HGSNAT: variants seen among roughly 807,000 people sequenced by gnomAD.
HGSNAT encodes heparan-alpha-glucosaminide N-acetyltransferase.
A neutral mutation model predicts 85.2 loss-of-function variants in HGSNAT; 59 were observed. The observed-to-expected ratio is 0.69, with a 90% confidence interval of 0.56 to 0.86. The LOEUF (loss-of-function observed/expected upper bound fraction) is 0.86, where lower values mean the gene tolerates loss of function less well. Among genes scored for constraint, HGSNAT ranks in the 40% least tolerant of loss-of-function variants. HGSNAT has a pLI of 0.00. For missense variants in HGSNAT, 756 were observed against 777.1 expected (o/e 0.97, Z 0.32); for synonymous variants, 321 against 304.5 (o/e 1.05, Z -0.56).
intron 5 of HGSNAT, among the ~76,000 whole-genome samples, chr8:43,164,797 A>G (rs973260246): frequency 6.6e-6 from 1 of 152,152 alleles, no homozygotes; most frequent in Admixed American, 6.5e-5. Context: ...ATAAAAAATA[A>G]AGTGAGAGAC....
At chr8:43,141,713 GA>G (rs1198860842) in intron 1 of HGSNAT, among the ~76,000 whole-genome samples, 3 of 152,008 alleles carry the variant, frequency 2.0e-5, no homozygotes, top group Non-Finnish European at 4.4e-5. Flanking sequence ...GTGAATTTTG[GA>G]AAAGCGGCTC....
At position 43,199,702 on chromosome 8, in the gene HGSNAT, T is replaced by A; in HGVS notation, c.*133T>A. Reference sequence around the variant, plus strand: ...GTTTACAGACTCTGGGGGAAGACACTGATGTCCTCAAACTGGTTAACTGTG... The same window carrying A: ...GTTTACAGACTCTGGGGGAAGACACAGATGTCCTCAAACTGGTTAACTGTG... On this transcript the variant is annotated 3_prime_UTR_variant, in exon 18 of 18. Coordinates refer to ENST00000379644, the MANE Select transcript of HGSNAT (RefSeq NM_152419.3). 1.7e-6 allele frequency: 1 copy of A among 592,268 alleles called. No individual in the cohort carries two copies. Among genetic ancestry groups the A allele is most frequent in the Non-Finnish European group, 2.7e-6 (1 of 374,238 alleles). The allele number at this position is 592,268 out of a possible 1,614,324, so 36.7% of individuals were successfully genotyped here.
chr8:43,166,080 A>G lies in HGSNAT; in HGVS notation c.564-3093A>G, dbSNP rs534034838. 2.0e-4 allele frequency among the ~76,000 whole-genome samples: 30 copies of G among 152,370 alleles called. No homozygotes were observed. The South Asian group carries it at 5.8e-3, about 29-fold the overall frequency. On this transcript the variant is annotated intron_variant, in intron 5 of 17. Transcript: ENST00000379644. ...AGGCCCTAGCTCTTTTCAGTTCTGT[A>G]GAGACTAAGAGAAGTGAGGAATCTG...
intron 11 of HGSNAT, among the ~76,000 whole-genome samples, chr8:43,185,080 A>T (rs1289089817): frequency 6.6e-6 from 1 of 152,214 alleles, no homozygotes; most frequent in African/African-American, 2.4e-5. Context: ...TGATACCTCC[A>T]GCTTTGTTCT....
chr8:43,197,646 T>A (rs1804767953), intron 15 of HGSNAT, 26 bp from the exon 16 acceptor site: 1 of 1,547,590 alleles, frequency 6.5e-7, no homozygotes, highest in Non-Finnish European at 8.9e-7. Context: ...TATAAAATGT[T>A]AACATCCTTC....
At chr8:43,194,934 G>A (rs905468480) in intron 14 of HGSNAT, among the ~76,000 whole-genome samples, 1 of 152,018 alleles carries the variant, frequency 6.6e-6, no homozygotes, top group African/African-American at 2.4e-5. Context: ...CTTCAGAACT[G>A]TGAGAAATAA....
In HGSNAT at chr8:43,175,557, CTTTTTTT is replaced by C. The variant is rs572939859; in HGVS notation, c.851+1833_851+1839del. 9.7e-4 allele frequency among the ~76,000 whole-genome samples: 61 copies of C among 63,144 alleles called. 2 individuals carry two copies. The East Asian group carries it at 0.013, about 14-fold the overall frequency. The allele number at this position is 63,144 out of a possible 152,430, so 41.4% of individuals were successfully genotyped here. A position where few individuals can be genotyped will look rare whatever the true frequency, so the allele number is the denominator to read the frequency against. ...AATGTCTGTTCAGATCTTTTGTCCT[CTTTTTTT>C]TTTTTTTTTTTTTTTTTTCAAGATG... On this transcript the variant is annotated intron_variant, in intron 9 of 17. Coordinates refer to ENST00000379644, the MANE Select transcript of HGSNAT (RefSeq NM_152419.3).
chr8:43,141,435 C>T (rs1268858773), intron 1 of HGSNAT, among the ~76,000 whole-genome samples: 1 of 152,118 alleles, frequency 6.6e-6, no homozygotes, highest in Non-Finnish European at 1.5e-5. Context: ...TCTCCGAACT[C>T]GGTGGGGAAA....
At chr8:43,153,032 C>T (rs1802968854) in intron 2 of HGSNAT, among the ~76,000 whole-genome samples, 1 of 150,490 alleles carries the variant, frequency 6.6e-6, no homozygotes, top group Non-Finnish European at 1.5e-5. Flanking sequence ...TCTCCCCCGA[C>T]AACCATGCTT....
chr8:43,165,438 A>G (rs1015809158), intron 5 of HGSNAT, among the ~76,000 whole-genome samples: 1 of 152,198 alleles, frequency 6.6e-6, no homozygotes, highest in Non-Finnish European at 1.5e-5. Context: ...TAATTATCCT[A>G]CAGTGGCTTC....
At chr8:43,161,536 A>G in intron 5 of HGSNAT, 29 bp downstream of exon 5, 2 of 1,552,566 alleles carry the variant, frequency 1.3e-6, no homozygotes, top group Non-Finnish European at 1.8e-6. Flanking sequence ...ACGCCACTGG[A>G]AAGGCAGAGT....
In HGSNAT at chr8:43,176,215, A is replaced by ATT. The variant is rs374941540; in HGVS notation, c.852-1853_852-1852dup. 9.9e-3 allele frequency among the ~76,000 whole-genome samples: 1,505 copies of ATT among 152,148 alleles called. 10 individuals carry two copies. Among genetic ancestry groups the ATT allele is most frequent in the Non-Finnish European group, 0.015 (1,039 of 67,986 alleles). On this transcript the variant is annotated intron_variant, in intron 9 of 17. Coordinates refer to ENST00000379644, the MANE Select transcript of HGSNAT (RefSeq NM_152419.3). ...TAAGTCTTTAATCCATTTTGATTTGATTTTTTTAATATGATGAGAGATAGG... is the reference window on the plus strand; with the variant it reads ...TAAGTCTTTAATCCATTTTGATTTGATTTTTTTTTAATATGATGAGAGATAGG...
chr8:43,141,246 C>T (rs1351820551), intron 1 of HGSNAT, among the ~76,000 whole-genome samples: 1 of 152,136 alleles, frequency 6.6e-6, no homozygotes, highest in Admixed American at 6.5e-5. Context: ...GAGCCCTCCG[C>T]GCGTCTCCCC....
rs1331940058 is a variant in HGSNAT, at chr8:43,158,979, A to G, written c.428A>G (p.His143Arg). 1.2e-6 allele frequency: 2 copies of G among 1,613,332 alleles called. No homozygotes were observed. Among genetic ancestry groups the G allele is most frequent in the Non-Finnish European group, 1.7e-6 (2 of 1,179,438 alleles). Residue 143 changes from histidine to arginine, a missense_variant, in exon 4 of 18, where the codon CAT (histidine) becomes CGT (arginine). Transcript: ENST00000379644. Reference sequence around the variant, plus strand: ...TATTCTCTCTTGGTAAAGAACATCCATAATGGAGTTAGTGAAATTGCCTGT... The same window carrying G: ...TATTCTCTCTTGGTAAAGAACATCCGTAATGGAGTTAGTGAAATTGCCTGT... ...GNYSLLVKNI[H>R]NGVSEIACDL...
rs1355010835 is a variant in HGSNAT at position 43,199,455 on chromosome 8, G to A, written c.1794G>A (p.Lys598=). 6.2e-7 allele frequency: 1 copy of A among 1,611,826 alleles called. No homozygotes were observed. Among genetic ancestry groups the A allele is most frequent in the Non-Finnish European group, 8.5e-7 (1 of 1,178,962 alleles). ...VFENYFPFQW[K]LKDNQSHKEH... ...AGAACTACTTCCCCTTTCAGTGGAA[G>A]CTGAAGGACAACCAGTCCCACAAGG... The change falls in exon 18 of 18, where the codon AAG becomes AAA. Residue 598 remains lysine (K), a synonymous_variant. Transcript: ENST00000379644.
intron 14 of HGSNAT, chr8:43,196,724 C>A (rs1804739764): frequency 8.6e-6 from 5 of 582,018 alleles, no homozygotes; most frequent in Non-Finnish European, 1.5e-5. Context: ...CTCTCTGATG[C>A]CTCCTCCTCC....
intron 9 of HGSNAT, 62 bp from the exon 10 acceptor site, chr8:43,178,012 T>C: frequency 7.7e-7 from 1 of 1,298,840 alleles, no homozygotes; most frequent in East Asian, 2.3e-5. Flanking sequence ...TTATAAAATG[T>C]TACTGATATA....
chr8:43,197,301 G>GT (rs1239873742), intron 15 of HGSNAT: 3 of 540,316 alleles, frequency 5.6e-6, no homozygotes, highest in African/African-American at 1.9e-5. Flanking sequence ...GTGGAGAGGC[G>GT]TATCAGAGAG....
intron 17 of HGSNAT, among the ~76,000 whole-genome samples, chr8:43,198,734 A>T (rs1369717673): frequency 6.6e-6 from 1 of 152,216 alleles, no homozygotes; most frequent in Non-Finnish European, 1.5e-5. Context: ...TTAGAAACAC[A>T]TCAGATCATT....
Sources: gnomAD v4.1 joint callset for allele counts (sites outside exome capture counted in the v4.1 genomes callset) on GRCh38, gnomAD v4.1.1 for gene constraint, MANE v1.5 for transcripts, NCBI Gene and HGNC (gene_info 2026-07-23, HGNC 2026-07-21) for gene names.